The following PCCA variants were observed in gnomAD, a reference collection of about 807,000 sequenced individuals.
PCCA encodes the protein propionyl-CoA carboxylase alpha chain, mitochondrial.
Under a neutral mutation model 101.3 loss-of-function variants are expected in PCCA, and 74 were observed. The ratio of observed to expected loss-of-function variants is 0.73; its 90% CI spans 0.61 to 0.89. The LOEUF is 0.89. Ranked by LOEUF, PCCA falls within the 40% of genes least tolerant of loss-of-function variation. The probability of loss-of-function intolerance (pLI) is 0.00; values close to 1 mark genes in which losing one functional copy is unlikely to be tolerated. For missense variants in PCCA, 891 were observed against 907.0 expected, an observed-to-expected ratio of 0.98 and a Z score of 0.23; for synonymous variants, 294 against 313.6, an observed-to-expected ratio of 0.94 and a Z score of 0.66.
In PCCA at chr13:100,115,854, T is replaced by C. The variant is rs369564358; in HGVS notation, c.300+3793T>C. On this transcript the variant is annotated intron_variant, in intron 4 of 23. Coordinates refer to ENST00000376285, the MANE Select transcript of PCCA (RefSeq NM_000282.4). Reference sequence around the variant, plus strand: ...ATATACCAGAGATTATGATACATAATTTATAATAAAATTTACCAGACCCCA... The same window carrying C: ...ATATACCAGAGATTATGATACATAACTTATAATAAAATTTACCAGACCCCA... Among the ~76,000 whole-genome samples the C allele has an allele frequency of 3.3e-5, 5 of 152,328 alleles. No homozygotes were observed. In the East Asian group the frequency reaches 9.6e-4, roughly 29 times the overall value.
At chr13:100,511,768 C>T (rs561609596) in intron 21 of PCCA, among the ~76,000 whole-genome samples, 1 of 152,278 alleles carries the variant, frequency 6.6e-6, no homozygotes, top group African/African-American at 2.4e-5. Flanking sequence ...CGGGAGCAGC[C>T]GCAGACCTCG....
intron 19 of PCCA, among the ~76,000 whole-genome samples, chr13:100,392,196 G>C (rs987789554): frequency 2.0e-5 from 3 of 152,036 alleles, no homozygotes; most frequent in Non-Finnish European, 4.4e-5. Context: ...GGGTAGAGGA[G>C]TTGGGGAAGG....
At chr13:100,412,139 C>T (rs1421370533) in intron 19 of PCCA, among the ~76,000 whole-genome samples, 1 of 152,142 alleles carries the variant, frequency 6.6e-6, no homozygotes, top group Non-Finnish European at 1.5e-5. Context: ...GTTGACTGCA[C>T]TGTGCTGTCG....
chr13:100,273,450 G>C, intron 12 of PCCA, 104 bp downstream of exon 12: 1 of 890,292 alleles, frequency 1.1e-6, no homozygotes. Flanking sequence ...TCCATAAAGT[G>C]TTAAATAAAG....
chr13:100,102,564 G>A (rs546033009), intron 1 of PCCA, among the ~76,000 whole-genome samples: 43 of 152,256 alleles, frequency 2.8e-4, no homozygotes, highest in African/African-American at 1.0e-3. Flanking sequence ...TAAAAGTTCT[G>A]TGTGGTCTGT....
chr13:100,198,958 C>G lies in PCCA; in HGVS notation c.469-10374C>G, dbSNP rs866666308. 4.8e-4 allele frequency among the ~76,000 whole-genome samples: 71 copies of G among 148,554 alleles called. No homozygotes were observed. The Middle Eastern group carries it at 0.011, about 22-fold the overall frequency. On this transcript the variant is annotated intron_variant, in intron 6 of 23. Coordinates refer to ENST00000376285, the MANE Select transcript of PCCA (RefSeq NM_000282.4). ...TTAAGCCTAAAGTCCCTGGAAGAGG[C>G]TGGCAAACTGGCTTGAGAAACACTT...
chr13:100,479,008 A>G (rs2083658402), intron 21 of PCCA, among the ~76,000 whole-genome samples: 1 of 152,148 alleles, frequency 6.6e-6, no homozygotes, highest in Admixed American at 6.5e-5. Context: ...GGACAGCCAC[A>G]GTTTCTGGGA....
At chr13:100,250,727 A>G (rs1405930809) in intron 8 of PCCA, among the ~76,000 whole-genome samples, 2 of 151,892 alleles carry the variant, frequency 1.3e-5, no homozygotes, top group East Asian at 3.9e-4. Context: ...GTGTGTTTGG[A>G]TTTTGTTACC....
intron 12 of PCCA, among the ~76,000 whole-genome samples, chr13:100,287,455 A>G (rs1171328369): frequency 6.6e-6 from 1 of 152,108 alleles, no homozygotes; most frequent in Non-Finnish European, 1.5e-5. Context: ...CCTTCCAGTG[A>G]CATGGAACTA....
At chr13:100,365,297 A>G (rs2152807280) in intron 18 of PCCA, among the ~76,000 whole-genome samples, 3 of 152,338 alleles carry the variant, frequency 2.0e-5, no homozygotes, top group African/African-American at 7.2e-5. Context: ...ATTATAATAT[A>G]TATGAAACAG....
In PCCA at chr13:100,297,662, A is replaced by C. The variant is rs139317844; in HGVS notation, c.1066-3798A>C. Reference sequence around the variant, plus strand: ...GAATACAAAACTAAAAATAGCAAGTAGATCTATAAAAAGCTAGCCGATTGT... The same window carrying C: ...GAATACAAAACTAAAAATAGCAAGTCGATCTATAAAAAGCTAGCCGATTGT... On this transcript the variant is annotated intron_variant, in intron 12 of 23. Coordinates refer to ENST00000376285, the MANE Select transcript of PCCA (RefSeq NM_000282.4). Among the ~76,000 whole-genome samples the C allele has an allele frequency of 3.3e-5, 5 of 152,346 alleles. No individual in the cohort carries two copies. The East Asian group carries it at 9.7e-4, about 29-fold the overall frequency.
chr13:100,348,774 T>C (rs2072741611), intron 18 of PCCA, among the ~76,000 whole-genome samples: 1 of 105,468 alleles, frequency 9.5e-6, no homozygotes, highest in African/African-American at 4.1e-5. Context: ...CTTTCTTTCT[T>C]TCTTTCTTTC....
chr13:100,449,228 T>C, intron 20 of PCCA, 24 bp from the exon 21 acceptor site: 1 of 1,496,994 alleles, frequency 6.7e-7, no homozygotes, highest in East Asian at 2.5e-5. Flanking sequence ...TGAGTTCATT[T>C]TATATCTCTT....
intron 6 of PCCA, among the ~76,000 whole-genome samples, chr13:100,195,178 C>T (rs1201875708): frequency 6.6e-6 from 1 of 152,066 alleles, no homozygotes; most frequent in Middle Eastern, 3.2e-3. Context: ...AACTTCAAAA[C>T]AAATCCTTGT....
intron 17 of PCCA, among the ~76,000 whole-genome samples, chr13:100,339,030 G>A (rs1047565612): frequency 7.9e-5 from 12 of 151,918 alleles, no homozygotes; most frequent in African/African-American, 2.9e-4. Context: ...ATCTGTGGGT[G>A]ATTGGTTCTA....
chr13:100,521,415 C>T (rs1321682063), intron 22 of PCCA, among the ~76,000 whole-genome samples: 3 of 152,214 alleles, frequency 2.0e-5, no homozygotes, highest in African/African-American at 4.8e-5. Context: ...AGTCTTCAGC[C>T]GGAGAAAGGG....
At chr13:100,432,681 G>A (rs1176953654) in intron 20 of PCCA, among the ~76,000 whole-genome samples, 3 of 152,284 alleles carry the variant, frequency 2.0e-5, no homozygotes, top group East Asian at 1.9e-4. Flanking sequence ...TAGAGGAGGG[G>A]TTAAGGGATT....
At chr13:100,187,233 G>A (rs1387223371) in intron 6 of PCCA, among the ~76,000 whole-genome samples, 2 of 152,148 alleles carry the variant, frequency 1.3e-5, no homozygotes, top group Non-Finnish European at 2.9e-5. Flanking sequence ...TTTTGAGTTT[G>A]TGGATTAGGT....
At chr13:100,315,708 A>G (rs2067283190) in intron 16 of PCCA, among the ~76,000 whole-genome samples, 1 of 152,170 alleles carries the variant, frequency 6.6e-6, no homozygotes, top group East Asian at 1.9e-4. Context: ...AGTCAGGGGA[A>G]GGCCACTCCT....
Sources: allele counts gnomAD v4.1 joint callset (sites outside exome capture counted in the v4.1 genomes callset), GRCh38; gene constraint gnomAD v4.1.1; transcripts MANE v1.5; gene names NCBI Gene and HGNC (gene_info 2026-07-23, HGNC 2026-07-21).